PARP4: variants seen among roughly 807,000 people sequenced by gnomAD.
PARP4 encodes protein mono-ADP-ribosyltransferase PARP4.
Under a neutral mutation model 187.7 loss-of-function variants are expected in PARP4, and 120 were observed. That is an observed-to-expected ratio of 0.64 (90% CI 0.55 to 0.74). The LOEUF (loss-of-function observed/expected upper bound fraction) is 0.74. Ranked by LOEUF, PARP4 falls within the 30% of genes least tolerant of loss-of-function variation. The probability of loss-of-function intolerance (pLI) is 0.00; values close to 1 mark genes in which losing one functional copy is unlikely to be tolerated. For synonymous variants in PARP4, 654 were observed against 740.9 expected, an observed-to-expected ratio of 0.88 and a Z score of 1.90; for missense variants, 1,836 against 2,070.5, an observed-to-expected ratio of 0.89 and a Z score of 2.20.
chr13:24,500,575 T>C (rs1308766853), intron 3 of PARP4, among the ~76,000 whole-genome samples, 193 bp from the exon 4 acceptor site: 5 of 149,612 alleles, frequency 3.3e-5, no homozygotes, highest in Non-Finnish European at 7.5e-5. Context: ...ACTCTAATTC[T>C]ATTTTAATAA....
intron 28 of PARP4, 145 bp from the exon 29 acceptor site, chr13:24,442,830 G>A: frequency 1.8e-6 from 1 of 559,002 alleles, no homozygotes; most frequent in South Asian, 2.4e-5. Context: ...TTTAAAATGA[G>A]ATGAACTGAC....
intron 23 of PARP4, among the ~76,000 whole-genome samples, chr13:24,453,020 T>C (rs1408590030): frequency 3.3e-5 from 5 of 152,108 alleles, no homozygotes; most frequent in African/African-American, 1.2e-4. Context: ...CTGCAACTTC[T>C]ACCTCCTGGG....
chr13:24,454,297 C>A (rs928302575), intron 22 of PARP4, among the ~76,000 whole-genome samples: 2 of 152,254 alleles, frequency 1.3e-5, no homozygotes, highest in African/African-American at 4.8e-5. Context: ...GCCCTTTGCA[C>A]TCCCCATGCT....
At position 24,459,257 on chromosome 13, in the gene PARP4, T is replaced by TACTA; in HGVS notation, c.2345+3_2345+6dup. On this transcript the variant is annotated splice_region_variant and intron_variant, in intron 19 of 33. Coordinates refer to ENST00000381989, the MANE Select transcript of PARP4 (RefSeq NM_006437.4). The stretch of plus-strand genomic sequence containing the variant: ...GAATTGACAGGTTTTATATTTTAGG[T>TACTA]ACTAACCTTTGCTTTGTTCCTATTT... 6.3e-7 allele frequency: 1 copy of TACTA among 1,588,400 alleles called. No homozygotes were observed. Among genetic ancestry groups the TACTA allele is most frequent in the Non-Finnish European group, 8.6e-7 (1 of 1,164,436 alleles).
chr13:24,502,741 C>T (rs577182621), intron 2 of PARP4, among the ~76,000 whole-genome samples: 1 of 152,366 alleles, frequency 6.6e-6, no homozygotes, highest in East Asian at 1.9e-4. Context: ...GAAGGGAGAG[C>T]AGGCACGAAT....
chr13:24,438,304 C>A (rs993170246), intron 30 of PARP4, among the ~76,000 whole-genome samples: 15 of 152,100 alleles, frequency 9.9e-5, no homozygotes, highest in Admixed American at 4.6e-4. Flanking sequence ...AGGTTCGGGG[C>A]TCCCATGAGA....
intron 2 of PARP4, 126 bp from the exon 3 acceptor site, chr13:24,501,960 G>A (rs1473921140): frequency 3.6e-5 from 22 of 618,462 alleles, no homozygotes; most frequent in East Asian, 1.7e-4. Context: ...CTCAAATTTC[G>A]AAAAACCTCT....
intron 12 of PARP4, among the ~76,000 whole-genome samples, chr13:24,480,977 G>C (rs1192315531): frequency 4.6e-5 from 7 of 152,232 alleles, no homozygotes; most frequent in Non-Finnish European, 1.0e-4. Flanking sequence ...TCCACAGCCG[G>C]AGAGAAGTCA....
rs776225752 is a variant in PARP4, at chr13:24,498,189, A to G, written c.518T>C (p.Leu173Pro). Residue 173 changes from leucine to proline, a missense_variant, in exon 6 of 34, where the codon CTT (leucine) becomes CCT (proline). This residue lies in a region of PARP4 where 1,147 missense variants were observed against 1,214.2 expected (regional missense o/e 0.94). Coordinates refer to ENST00000381989, the MANE Select transcript of PARP4 (RefSeq NM_006437.4). ...EGGQEAVVVELQCSRDSRDCP... is the reference protein window; with the variant it reads ...EGGQEAVVVEPQCSRDSRDCP... ...GTCCCTGGAGTCCCGCGAACACTGA[A>G]GCTCCACCACCACAGCTTCCTGGCC... The G allele has an allele frequency of 1.2e-5, 20 of 1,613,556 alleles. No individual in the cohort carries two copies. In the South Asian group the frequency reaches 2.0e-4, roughly 16 times the overall value.
intron 22 of PARP4, among the ~76,000 whole-genome samples, chr13:24,454,585 T>C (rs1233111670): frequency 6.6e-6 from 1 of 152,218 alleles, no homozygotes; most frequent in Non-Finnish European, 1.5e-5. Flanking sequence ...GGCAAATGTT[T>C]TGTCCTTAGA....
In PARP4 at chr13:24,435,423, G is replaced by A. The variant is rs139806712; in HGVS notation, c.3718C>T (p.His1240Tyr). ...WPELRLSKRK[H>Y]RKIPFSKRKM... ...CTTTTGGAAAATGGAATTTTCCTAT[G>A]TTTTCGTTTGGATAAACGTAATTCT... is the stretch of plus-strand genomic sequence containing the variant. Residue 1240 changes from histidine (H) to tyrosine (Y), a missense_variant, in exon 31 of 34, where the codon CAT becomes TAT. Physicochemically the swap from His to Tyr is moderately conservative, Grantham distance 83. Coordinates refer to ENST00000381989, the MANE Select transcript of PARP4 (RefSeq NM_006437.4). 15 of 1,610,340 alleles carry A rather than the reference G, an allele frequency of 9.3e-6. No homozygotes were observed. The highest frequency in any genetic ancestry group is 2.7e-5 in the African/African-American group (2 of 74,642).
chr13:24,491,591 T>G (rs183331332), intron 9 of PARP4, among the ~76,000 whole-genome samples: 81 of 152,350 alleles, frequency 5.3e-4, no homozygotes, highest in Non-Finnish European at 1.1e-3. Flanking sequence ...TAAACTCCTC[T>G]GAAGTCTAGG....
chr13:24,426,058 T>C (rs1451025976), intron 33 of PARP4, among the ~76,000 whole-genome samples: 1 of 152,240 alleles, frequency 6.6e-6, no homozygotes, highest in African/African-American at 2.4e-5. Flanking sequence ...ACACTTGTTA[T>C]AAACTACAAA....
At chr13:24,462,486 T>G in intron 17 of PARP4, among the ~76,000 whole-genome samples, 1 of 152,228 alleles carries the variant, frequency 6.6e-6, no homozygotes, top group Admixed American at 6.5e-5. Flanking sequence ...TCTCTTCTTC[T>G]TTTACACACA....
At chr13:24,470,217 C>T (rs965460969) in intron 15 of PARP4, among the ~76,000 whole-genome samples, 192 bp from the exon 16 acceptor site, 14 of 152,330 alleles carry the variant, frequency 9.2e-5, no homozygotes, top group Admixed American at 9.2e-4. Flanking sequence ...GCACCAGTCC[C>T]ACGGTTAGGT....
rs190991192 is a variant in PARP4 at position 24,507,252 on chromosome 13, C to T, written c.-1-3475G>A. On this transcript the variant is annotated intron_variant, in intron 1 of 33. Coordinates refer to ENST00000381989, the MANE Select transcript of PARP4 (RefSeq NM_006437.4). Reference sequence around the variant, plus strand: ...GGGGCTCCCACAGTGCAGCGGCGGGCTGAAGGGCTCCTCAAGCGTAGCCAG... The same window carrying T: ...GGGGCTCCCACAGTGCAGCGGCGGGTTGAAGGGCTCCTCAAGCGTAGCCAG... Among the ~76,000 whole-genome samples, 495 of 152,354 alleles carry T rather than the reference C, an allele frequency of 3.2e-3. 3 individuals are homozygous for T. The highest frequency in any genetic ancestry group is 0.011 in the African/African-American group (478 of 41,594).
chr13:24,496,718 T>C (rs1868978023), intron 6 of PARP4, among the ~76,000 whole-genome samples: 1 of 152,138 alleles, frequency 6.6e-6, no homozygotes, highest in Admixed American at 6.5e-5. Flanking sequence ...GAAGTGACTG[T>C]TTCCTGGCCC....
intron 10 of PARP4, among the ~76,000 whole-genome samples, chr13:24,488,302 G>C (rs970252843): frequency 6.6e-6 from 1 of 152,152 alleles, no homozygotes; most frequent in African/African-American, 2.4e-5. Flanking sequence ...AGGGTCAAAA[G>C]TCAAACCAAA....
intron 1 of PARP4, among the ~76,000 whole-genome samples, chr13:24,505,122 G>A (rs1001140580): frequency 6.6e-6 from 1 of 151,046 alleles, no homozygotes; most frequent in Non-Finnish European, 1.5e-5. Context: ...GGGAAGAGAA[G>A]GTGAGGGTTA....
Sources: allele counts gnomAD v4.1 joint callset (sites outside exome capture counted in the v4.1 genomes callset), GRCh38; gene constraint gnomAD v4.1.1; regional missense constraint gnomAD v4.1.1; transcripts MANE v1.5; gene names NCBI Gene and HGNC (gene_info 2026-07-23, HGNC 2026-07-21).